The following SNU13 variants were observed in gnomAD, a reference collection of about 807,000 sequenced individuals.
The protein encoded by SNU13 is small nuclear ribonucleoprotein 13.
In SNU13, 2 loss-of-function variants were observed where a neutral mutation model predicts 12.4. That is an observed-to-expected ratio of 0.16 (90% confidence interval 0.07 to 0.51). The LOEUF is 0.51. Among genes scored for constraint, SNU13 ranks in the 20% least tolerant of loss-of-function variants. SNU13 has a pLI of 0.96. For missense variants in SNU13, 66 were observed against 157.8 expected (o/e 0.42, Z 3.12); for synonymous variants, 68 against 66.5 (o/e 1.02, Z -0.11).
At chr22:41,688,589 G>A (rs1196679129) in intron 1 of SNU13, among the ~76,000 whole-genome samples, 3 of 152,208 alleles carry the variant, frequency 2.0e-5, no homozygotes, top group Non-Finnish European at 4.4e-5. Context: ...CAGCTGCGGG[G>A]ATCCTAAGGT....
intron 2 of SNU13, among the ~76,000 whole-genome samples, chr22:41,677,441 C>A (rs976748640): frequency 6.6e-6 from 1 of 152,088 alleles, no homozygotes; most frequent in African/African-American, 2.4e-5. Flanking sequence ...GGGAGGATCA[C>A]CTAAGCCCAG....
intron 2 of SNU13, among the ~76,000 whole-genome samples, chr22:41,677,759 C>T (rs2068226691): frequency 6.6e-6 from 1 of 152,028 alleles, no homozygotes; most frequent in Admixed American, 6.6e-5. Flanking sequence ...TCTCCTAGTA[C>T]CTCTCATCCC....
intron 1 of SNU13, among the ~76,000 whole-genome samples, chr22:41,684,864 G>A (rs1349391755): frequency 1.3e-5 from 2 of 151,976 alleles, no homozygotes; most frequent in African/African-American, 4.8e-5. Context: ...TAAAAACTTA[G>A]CTGGGGCAGT....
upstream of SNU13, among the ~76,000 whole-genome samples, chr22:41,689,515 A>C (rs1216327475): frequency 6.7e-6 from 1 of 149,246 alleles, no homozygotes; most frequent in Non-Finnish European, 1.5e-5. Flanking sequence ...AAATACAAAA[A>C]ATTAGCCGGG....
At chr22:41,690,455 C>T (rs1004870100), upstream of SNU13, 2 of 724,656 alleles carry the variant, frequency 2.8e-6, no homozygotes, top group Non-Finnish European at 5.1e-6. Flanking sequence ...AGCATGCTAA[C>T]CAGGCCTGGC....
At chr22:41,688,977 T>C (rs1022399233), upstream of SNU13, 60 of 1,337,572 alleles carry the variant, frequency 4.5e-5, no homozygotes, top group Admixed American at 6.0e-5. Flanking sequence ...GCGCGGAAAC[T>C]GGCCCTGTGT....
chr22:41,682,595 G>C, intron 1 of SNU13: 2 of 1,430,864 alleles, frequency 1.4e-6, no homozygotes, highest in Non-Finnish European at 1.8e-6. Flanking sequence ...CAACTAGGAA[G>C]AATTAGGTGA....
chr22:41,676,815 G>A (rs1283992499), intron 2 of SNU13, among the ~76,000 whole-genome samples: 1 of 152,014 alleles, frequency 6.6e-6, no homozygotes, highest in Non-Finnish European at 1.5e-5. Context: ...TCGCTTTGCC[G>A]TCAGCCTTTT....
At chr22:41,682,441 A>G (rs1334874218) in intron 1 of SNU13, 25 of 1,610,006 alleles carry the variant, frequency 1.6e-5, no homozygotes, top group East Asian at 2.2e-5. Flanking sequence ...CCAGCACCGC[A>G]AGGACACGGA....
intron 1 of SNU13, among the ~76,000 whole-genome samples, chr22:41,682,847 C>G (rs2068277715): frequency 6.6e-6 from 1 of 152,102 alleles, no homozygotes; most frequent in African/African-American, 2.4e-5. Flanking sequence ...CGGGGTTTCA[C>G]CACTTTGGCC....
intron 2 of SNU13, among the ~76,000 whole-genome samples, chr22:41,675,751 T>C (rs866085296): frequency 8.0e-5 from 12 of 150,446 alleles, no homozygotes; most frequent in South Asian, 2.1e-4. Context: ...TTTCTTTTTT[T>C]TTTTTTTTTC....
intron 2 of SNU13, among the ~76,000 whole-genome samples, chr22:41,679,068 G>A (rs1186443212): frequency 2.6e-5 from 4 of 151,072 alleles, no homozygotes; most frequent in Admixed American, 2.6e-4. Context: ...GACCAGCCTG[G>A]GCGACAGAGC....
At chr22:41,675,283 C>T in intron 2 of SNU13, 88 bp from the exon 3 acceptor site, 1 of 1,500,780 alleles carries the variant, frequency 6.7e-7, no homozygotes, top group Non-Finnish European at 9.1e-7. Flanking sequence ...TAGGCACACA[C>T]AATTATGTGT....
In SNU13 at chr22:41,682,479, C is replaced by T. The variant is rs529214867; in HGVS notation, c.4-2115G>A. On this transcript the variant is annotated intron_variant, in intron 1 of 2. Coordinates refer to ENST00000401959, the MANE Select transcript of SNU13 (RefSeq NM_001003796.2). Reference sequence around the variant, plus strand: ...CCCCGCCCCCAAGAGCAGGAAGTGACGCCACTGCCGCCAGCGGAAGTGACG... The same window carrying T: ...CCCCGCCCCCAAGAGCAGGAAGTGATGCCACTGCCGCCAGCGGAAGTGACG... 2.7e-5 allele frequency: 42 copies of T among 1,581,726 alleles called. No homozygotes were observed. In the East Asian group the frequency reaches 7.3e-4, roughly 28 times the overall value.
upstream of SNU13, chr22:41,689,212 A>C: frequency 1.9e-6 from 1 of 534,082 alleles, no homozygotes; most frequent in Non-Finnish European, 2.4e-6. Context: ...AAAATACAAA[A>C]ATTAGCCAGG....
chr22:41,681,846 G>C (rs2068266055), intron 1 of SNU13, among the ~76,000 whole-genome samples: 1 of 152,186 alleles, frequency 6.6e-6, no homozygotes, highest in African/African-American at 2.4e-5. Flanking sequence ...CTGCACTCCA[G>C]CGTGGGCGAC....
chr22:41,675,569 G>T (rs931383608), intron 2 of SNU13, among the ~76,000 whole-genome samples: 1 of 147,024 alleles, frequency 6.8e-6, no homozygotes, highest in Admixed American at 6.8e-5. Flanking sequence ...TTACAGGCAC[G>T]TGCCACTGTG....
At chr22:41,679,062 A>T (rs1420902300) in intron 2 of SNU13, among the ~76,000 whole-genome samples, 5 of 152,136 alleles carry the variant, frequency 3.3e-5, no homozygotes, top group Admixed American at 2.6e-4. Flanking sequence ...GTTTAAGACC[A>T]GCCTGGGCGA....
chr22:41,674,870 GATA>G lies in SNU13; in HGVS notation c.*60_*62del. 1.9e-6 allele frequency: 3 copies of G among 1,576,104 alleles called. No individual in the cohort carries two copies. Among genetic ancestry groups the G allele is most frequent in the Non-Finnish European group, 2.6e-6 (3 of 1,155,958 alleles). On this transcript the variant is annotated 3_prime_UTR_variant, in exon 3 of 3. Coordinates refer to ENST00000401959, the MANE Select transcript of SNU13 (RefSeq NM_001003796.2). The stretch of plus-strand genomic sequence containing the variant: ...GCTGAAAATACTACATGCTAACACA[GATA>G]ATATGATACACAACCTCAGGGGGGA...
Sources: gnomAD v4.1 joint callset for allele counts (sites outside exome capture counted in the v4.1 genomes callset) on GRCh38, gnomAD v4.1.1 for gene constraint, MANE v1.5 for transcripts, NCBI Gene and HGNC (gene_info 2026-07-23, HGNC 2026-07-21) for gene names.